Variants in TBX1 observed in about 807,000 individuals in gnomAD.
The protein encoded by TBX1 is T-box transcription factor 1.
In TBX1, 16 loss-of-function variants were observed where a neutral mutation model predicts 40.8. That is an observed-to-expected ratio of 0.39 (90% confidence interval 0.27 to 0.60). The LOEUF is 0.60. Among genes scored for constraint, TBX1 ranks in the 20% least tolerant of loss-of-function variants. TBX1 has a pLI of 0.51. For missense variants in TBX1, 755 were observed against 728.5 expected, an observed-to-expected ratio of 1.04 and a Z score of -0.42; for synonymous variants, 403 against 336.8, an observed-to-expected ratio of 1.20 and a Z score of -2.15.
upstream of TBX1, chr22:19,756,773 G>A (rs1243830735): frequency 6.6e-6 from 1 of 152,336 alleles, no homozygotes; most frequent in Non-Finnish European, 1.5e-5. Flanking sequence ...ACTTGCCGCG[G>A]GCCGTGCTGA....
chr22:19,763,022 GCC>G (rs1222181738), intron 1 of TBX1, among the ~76,000 whole-genome samples: 1 of 152,194 alleles, frequency 6.6e-6, no homozygotes, highest in African/African-American at 2.4e-5. Context: ...TCCAGGAACG[GCC>G]CAGGAGGCTC....
At chr22:19,758,089 C>T (rs1569015325), upstream of TBX1, among the ~76,000 whole-genome samples, 2 of 152,160 alleles carry the variant, frequency 1.3e-5, no homozygotes, top group Non-Finnish European at 2.9e-5. Flanking sequence ...GGCCAGCCTC[C>T]CCACTGGCGC....
At chr22:19,756,713 G>A (rs904684785), upstream of TBX1, 2 of 152,334 alleles carry the variant, frequency 1.3e-5, no homozygotes, top group African/African-American at 4.8e-5. Context: ...CCGGCAGGGG[G>A]AGCGAGGAGG....
Position 19,773,026 on chromosome 22 carries a change from C to A in TBX1, c.1010-6194C>A, listed in dbSNP as rs1280364458. On this transcript the variant is annotated intron_variant, in intron 8 of 8. Transcript: ENST00000329705. The stretch of plus-strand genomic sequence containing the variant: ...GGCTGCAGGCGAGGCCTGGGCTACA[C>A]AGGAAGCCCGGGCACCGCAGAGTGG... Among the ~76,000 whole-genome samples, 6 of 152,230 alleles carry A rather than the reference C, an allele frequency of 3.9e-5. No individual in the cohort carries two copies. In the East Asian group the frequency reaches 1.2e-3, roughly 29 times the overall value.
chr22:19,766,098 T>C (rs2145837449), intron 6 of TBX1, 96 bp downstream of exon 6: 1 of 1,081,636 alleles, frequency 9.2e-7, no homozygotes, highest in Non-Finnish European at 1.2e-6. Context: ...CCCGGGGCGC[T>C]CCAGGCTTTC....
At chr22:19,759,696 TC>T (rs1161393158), upstream of TBX1, 1 of 1,611,900 alleles carries the variant, frequency 6.2e-7, no homozygotes, top group Admixed American at 1.7e-5. Context: ...CCAGGCCGTG[TC>T]TACACTGGCC....
chr22:19,762,580 A>G (rs1198334881), intron 1 of TBX1, among the ~76,000 whole-genome samples: 1 of 152,226 alleles, frequency 6.6e-6, no homozygotes, highest in Non-Finnish European at 1.5e-5. Context: ...GGAAAGACAC[A>G]AACTGAGTAC....
intron 5 of TBX1, 29 bp downstream of exon 5, chr22:19,765,854 G>A (rs1168383935): frequency 5.1e-6 from 8 of 1,581,034 alleles, no homozygotes; most frequent in African/African-American, 1.4e-5. Flanking sequence ...GAGAGTGAGC[G>A]CCGGGCGCCT....
chr22:19,766,489 C>T lies in TBX1; in HGVS notation c.1137C>T (p.Ser379=). Residue 379 remains serine, a synonymous_variant, in exon 7 of 7, where the codon AGC becomes AGT. Coordinates refer to ENST00000649276, the MANE Select transcript of TBX1 (RefSeq NM_001379200.1). ...CGCAGCTGCTGGCCCGGGTGCTAAG[C>T]CCCTCGCTGCCCGGGGCCGGCGGCG... ...HPPQLLARVL[S]PSLPGAGGAG... is the part of the protein sequence containing the mutation. The T allele has an allele frequency of 1.5e-6, 2 of 1,311,476 alleles. No individual in the cohort carries two copies. The highest frequency in any genetic ancestry group is 1.9e-6 in the Non-Finnish European group (2 of 1,027,388). The allele number at this position is 1,311,476 out of a possible 1,614,324, so 81.2% of individuals were successfully genotyped here.
intron 8 of TBX1, among the ~76,000 whole-genome samples, chr22:19,774,651 A>G (rs1029271309): frequency 6.6e-6 from 1 of 152,170 alleles, no homozygotes; most frequent in Non-Finnish European, 1.5e-5. Context: ...GAGGAAGGGA[A>G]TTCTGTTACA....
intron 8 of TBX1, among the ~76,000 whole-genome samples, chr22:19,778,548 C>T (rs960816851): frequency 4.0e-5 from 6 of 151,852 alleles, no homozygotes; most frequent in African/African-American, 1.5e-4. Context: ...AATCCTCCTG[C>T]CTCAGCCTCC....
chr22:19,762,818 C>G (rs1348920748), intron 1 of TBX1, among the ~76,000 whole-genome samples: 4 of 152,118 alleles, frequency 2.6e-5, no homozygotes, highest in South Asian at 2.1e-4. Context: ...CAGGACTACC[C>G]GGTTTCACTT....
chr22:19,771,416 T>C (rs1936988033), downstream of TBX1, among the ~76,000 whole-genome samples: 1 of 152,222 alleles, frequency 6.6e-6, no homozygotes, highest in Non-Finnish European at 1.5e-5. Context: ...GTGTCTCTCT[T>C]TAACCGCTGC....
downstream of TBX1, among the ~76,000 whole-genome samples, chr22:19,769,835 G>A (rs892619295): frequency 2.0e-5 from 3 of 152,260 alleles, no homozygotes; most frequent in African/African-American, 7.2e-5. Flanking sequence ...CAGACCTCCA[G>A]CCTCCAGAAC....
downstream of TBX1, among the ~76,000 whole-genome samples, chr22:19,771,309 CA>C (rs1936986390): frequency 6.6e-6 from 1 of 152,170 alleles, no homozygotes; most frequent in Non-Finnish European, 1.5e-5. Flanking sequence ...TTCTGGATTT[CA>C]AAAAACACAA....
chr22:19,770,468 G>A (rs1197418780), downstream of TBX1, among the ~76,000 whole-genome samples: 1 of 152,218 alleles, frequency 6.6e-6, no homozygotes, highest in Non-Finnish European at 1.5e-5. Context: ...GCACTCCATT[G>A]CCCAGAGAGG....
At chr22:19,771,652 G>T (rs1454363305), downstream of TBX1, among the ~76,000 whole-genome samples, 3 of 152,146 alleles carry the variant, frequency 2.0e-5, no homozygotes, top group African/African-American at 7.2e-5. Flanking sequence ...GCCAGCCCAG[G>T]CCCCCTTCCT....
intron 5 of TBX1, 22 bp downstream of exon 5, chr22:19,765,847 A>G (rs772362864): frequency 6.3e-7 from 1 of 1,588,758 alleles, no homozygotes; most frequent in Non-Finnish European, 8.6e-7. Flanking sequence ...CCCCCGAGAG[A>G]GTGAGCGCCG....
chr22:19,758,228 T>G (rs1303932926), upstream of TBX1, among the ~76,000 whole-genome samples: 2 of 152,104 alleles, frequency 1.3e-5, no homozygotes, highest in East Asian at 3.9e-4. Flanking sequence ...ATCCTGAGCA[T>G]GCACAAGCGA....
Sources: gnomAD v4.1 joint callset for allele counts (sites outside exome capture counted in the v4.1 genomes callset) on GRCh38, gnomAD v4.1.1 for gene constraint, MANE v1.5 for transcripts, NCBI Gene and HGNC (gene_info 2026-07-23, HGNC 2026-07-21) for gene names.